FGF12: variants seen among roughly 807,000 people sequenced by gnomAD.
FGF12 encodes the protein fibroblast growth factor 12B.
In FGF12, 14 loss-of-function variants were observed where a neutral mutation model predicts 23.6. The ratio of observed to expected loss-of-function variants is 0.59; its 90% CI spans 0.39 to 0.93. The LOEUF is 0.93. Ranked by LOEUF, FGF12 falls within the 40% of genes least tolerant of loss-of-function variation. The pLI is 0.00. For synonymous variants in FGF12, 62 were observed against 77.3 expected (o/e 0.80, Z 1.04); for missense variants, 175 against 217.8 (o/e 0.80, Z 1.24).
intron 2 of FGF12, among the ~76,000 whole-genome samples, chr3:192,397,618 T>C (rs568164082): frequency 1.3e-5 from 2 of 152,338 alleles, no homozygotes; most frequent in East Asian, 3.9e-4. Flanking sequence ...GTTCCATCAT[T>C]TTCTATTAAT....
chr3:192,320,656 A>T (rs1389789703), intron 4 of FGF12, among the ~76,000 whole-genome samples: 1 of 152,138 alleles, frequency 6.6e-6, no homozygotes, highest in Non-Finnish European at 1.5e-5. Context: ...TAAAAAGGGG[A>T]ATTTTGAAAA....
intron 4 of FGF12, among the ~76,000 whole-genome samples, chr3:192,199,938 G>T (rs534507759): frequency 2.0e-5 from 3 of 152,210 alleles, no homozygotes; most frequent in Non-Finnish European, 4.4e-5. Flanking sequence ...ACTTGCTCAG[G>T]GATTTTCAAG....
chr3:192,611,415 A>T (rs967014963), intron 2 of FGF12, among the ~76,000 whole-genome samples: 8 of 152,048 alleles, frequency 5.3e-5, no homozygotes, highest in African/African-American at 7.2e-5. Context: ...TTGCATTAGC[A>T]TGTTTTACGG....
intron 2 of FGF12, among the ~76,000 whole-genome samples, chr3:192,433,358 T>A (rs1323273385): frequency 6.6e-6 from 1 of 152,208 alleles, no homozygotes; most frequent in East Asian, 1.9e-4. Flanking sequence ...CTGAAGCTTA[T>A]ATAACTTGGG....
Position 192,336,980 on chromosome 3 carries a change from T to C in FGF12, c.125-1516A>G, listed in dbSNP as rs922086750. ...ATTTTTTACGAAAACTGAGACTAGA[T>C]AAGAAACTGTAAGTAGTTTCTTATA... On this transcript the variant is annotated intron_variant, in intron 3 of 5. Transcript: ENST00000445105. The surrounding 1 kb of genome is among the most constrained non-coding windows in gnomAD (Gnocchi z 4.3). Among the ~76,000 whole-genome samples the C allele has an allele frequency of 6.6e-6, 1 of 152,154 alleles. No individual in the cohort carries two copies. The highest frequency in any genetic ancestry group is 2.4e-5 in the African/African-American group (1 of 41,452).
At chr3:192,678,094 A>G (rs1717392040) in intron 2 of FGF12, among the ~76,000 whole-genome samples, 1 of 152,174 alleles carries the variant, frequency 6.6e-6, no homozygotes. Context: ...ACAACACTCA[A>G]TGACAAAATG....
At chr3:192,471,643 T>C (rs1723175701) in intron 2 of FGF12, among the ~76,000 whole-genome samples, 1 of 152,244 alleles carries the variant, frequency 6.6e-6, no homozygotes, top group Non-Finnish European at 1.5e-5. Context: ...GTTATTATTG[T>C]TGATTTCAAA....
chr3:192,688,120 C>T (rs115291382), intron 2 of FGF12, among the ~76,000 whole-genome samples: 6,147 of 152,180 alleles, frequency 0.04, 440 homozygotes, highest in African/African-American at 0.14. Context: ...TGCCCCAGCC[C>T]CTTGCCACCA....
chr3:192,273,912 A>G (rs1281369082), intron 4 of FGF12, among the ~76,000 whole-genome samples: 1 of 152,020 alleles, frequency 6.6e-6, no homozygotes, highest in Non-Finnish European at 1.5e-5. Flanking sequence ...GAATTAAAAA[A>G]AAAAAAAAGT....
At chr3:192,172,295 G>A (rs1217110011) in intron 4 of FGF12, among the ~76,000 whole-genome samples, 1 of 150,070 alleles carries the variant, frequency 6.7e-6, no homozygotes, top group African/African-American at 2.4e-5. Context: ...AGGCTGAGGT[G>A]GGAGGATGAC....
chr3:192,452,975 C>T (rs745972054), intron 2 of FGF12, among the ~76,000 whole-genome samples: 1 of 152,116 alleles, frequency 6.6e-6, no homozygotes, highest in Non-Finnish European at 1.5e-5. Flanking sequence ...ATCTATGATG[C>T]GTATCTTTCC....
At chr3:192,177,250 G>C (rs979571286) in intron 4 of FGF12, among the ~76,000 whole-genome samples, 3 of 152,192 alleles carry the variant, frequency 2.0e-5, no homozygotes, top group Non-Finnish European at 4.4e-5. Context: ...CAGACTAGGA[G>C]CATTGTAATG....
intron 3 of FGF12, among the ~76,000 whole-genome samples, chr3:192,356,757 T>C (rs1401070661): frequency 6.6e-6 from 1 of 152,198 alleles, no homozygotes; most frequent in Non-Finnish European, 1.5e-5. Context: ...GTAACAAGAT[T>C]CTTTTTTCAA....
intron 2 of FGF12, among the ~76,000 whole-genome samples, chr3:192,615,846 T>C (rs1418059171): frequency 6.6e-6 from 1 of 151,988 alleles, no homozygotes; most frequent in Non-Finnish European, 1.5e-5. Context: ...AAGCAGAATA[T>C]GACATTGCAT....
At chr3:192,689,661 T>C (rs1717880768) in intron 2 of FGF12, among the ~76,000 whole-genome samples, 1 of 151,930 alleles carries the variant, frequency 6.6e-6, no homozygotes, top group Non-Finnish European at 1.5e-5. Flanking sequence ...TTTTATGTGA[T>C]ATATAAAACA....
intron 4 of FGF12, among the ~76,000 whole-genome samples, chr3:192,315,615 T>A (rs1281309125): frequency 1.3e-5 from 2 of 152,008 alleles, no homozygotes; most frequent in African/African-American, 4.8e-5. Context: ...TAGCCAATAC[T>A]TTTTTAGGAT....
At chr3:192,676,340 A>T (rs2108701365) in intron 2 of FGF12, among the ~76,000 whole-genome samples, 1 of 152,334 alleles carries the variant, frequency 6.6e-6, no homozygotes, top group Non-Finnish European at 1.5e-5. Context: ...GTTGAATGAA[A>T]TCTAAGAGAA....
chr3:192,394,341 C>A (rs564866582), intron 2 of FGF12, among the ~76,000 whole-genome samples: 63 of 152,098 alleles, frequency 4.1e-4, no homozygotes, highest in African/African-American at 1.5e-3. Flanking sequence ...AATCTAAGAA[C>A]AAATAAAGAA....
intron 2 of FGF12, among the ~76,000 whole-genome samples, chr3:192,674,733 C>G (rs1299868038): frequency 5.3e-5 from 8 of 152,154 alleles, no homozygotes; most frequent in African/African-American, 1.9e-4. Flanking sequence ...TGTTACTCAG[C>G]CTTAGTTGAG....
Sources: gnomAD v4.1 joint callset for allele counts (sites outside exome capture counted in the v4.1 genomes callset) on GRCh38, gnomAD v4.1.1 for gene constraint, Gnocchi (gnomAD v3.1) non-coding constraint, MANE v1.5 for transcripts, NCBI Gene and HGNC (gene_info 2026-07-23, HGNC 2026-07-21) for gene names.